ATP10A: variants seen among roughly 807,000 people sequenced by gnomAD.
The protein encoded by ATP10A is phospholipid-transporting ATPase VA.
ATP10A carries 111 observed loss-of-function variants against 147.8 expected under a neutral mutation model. The ratio of observed to expected loss-of-function variants is 0.75; its 90% CI spans 0.64 to 0.88. ATP10A has a LOEUF of 0.88. ATP10A is among the 40% of genes least tolerant of loss of function. ATP10A has a pLI of 0.00. For synonymous variants in ATP10A, 875 were observed against 841.6 expected (o/e 1.04, Z -0.69); for missense variants, 1,927 against 1,959.0 (o/e 0.98, Z 0.31).
intron 2 of ATP10A, among the ~76,000 whole-genome samples, chr15:25,748,818 G>T (rs72705815): frequency 2.0e-5 from 3 of 151,694 alleles, no homozygotes; most frequent in Non-Finnish European, 4.4e-5. Context: ...ACTTTGGGAC[G>T]CCAAGATAGG....
intron 1 of ATP10A, among the ~76,000 whole-genome samples, chr15:25,782,332 G>A (rs1045737840): frequency 5.3e-5 from 8 of 152,160 alleles, no homozygotes; most frequent in African/African-American, 1.9e-4. Context: ...TTGGAAATAC[G>A]TAGTAGTGAT....
At chr15:25,848,303 T>A (rs1200036265) in intron 1 of ATP10A, among the ~76,000 whole-genome samples, 1 of 152,084 alleles carries the variant, frequency 6.6e-6, no homozygotes, top group African/African-American at 2.4e-5. Flanking sequence ...ATTTTATTTA[T>A]TTCATTTTAT....
chr15:25,815,116 T>C (rs933303655), intron 1 of ATP10A, among the ~76,000 whole-genome samples: 8 of 152,126 alleles, frequency 5.3e-5, no homozygotes, highest in Non-Finnish European at 7.4e-5. Context: ...TACTACCAGG[T>C]CGACATCACA....
chr15:25,682,302 G>C (rs1172828026), intron 17 of ATP10A, among the ~76,000 whole-genome samples: 3 of 151,694 alleles, frequency 2.0e-5, no homozygotes, highest in Non-Finnish European at 4.4e-5. Flanking sequence ...AAAGCAAACA[G>C]CTATATACCC....
At chr15:25,844,251 G>C (rs1252208995) in intron 1 of ATP10A, among the ~76,000 whole-genome samples, 1 of 152,112 alleles carries the variant, frequency 6.6e-6, no homozygotes, top group Non-Finnish European at 1.5e-5. Context: ...CAGTAGAAGG[G>C]ACCCTGAGGG....
intron 19 of ATP10A, 22 bp downstream of exon 19, chr15:25,680,788 T>C: frequency 1.3e-6 from 2 of 1,594,624 alleles, no homozygotes. Flanking sequence ...TTCTGAGACG[T>C]GGCCATGCAG....
At chr15:25,819,760 C>T (rs1891803778) in intron 1 of ATP10A, among the ~76,000 whole-genome samples, 1 of 152,140 alleles carries the variant, frequency 6.6e-6, no homozygotes, top group Admixed American at 6.5e-5. Context: ...AGAATGAAAT[C>T]ATGTCTTTTG....
At chr15:25,721,996 T>G in intron 6 of ATP10A, 87 bp from the exon 7 acceptor site, 1 of 1,410,164 alleles carries the variant, frequency 7.1e-7, no homozygotes, top group Non-Finnish European at 9.7e-7. Flanking sequence ...AACAAATGAC[T>G]ACAACCGCAA....
intron 10 of ATP10A, chr15:25,710,094 C>T (rs1045697763): frequency 6.6e-6 from 1 of 152,278 alleles, no homozygotes; most frequent in Admixed American, 6.5e-5. Context: ...GAGCTGAAGG[C>T]ATGGCAATTT....
Position 25,721,909 on chromosome 15 carries a change from C to G in ATP10A, c.1111G>C (p.Val371Leu), listed in dbSNP as rs375647000. The change falls in exon 7 of 21, where the codon GTT (valine) becomes CTT (leucine). Residue 371 changes from valine (V) to leucine (L), a missense_variant and splice_region_variant. Val to Leu is a conservative substitution (Grantham distance 32). Coordinates refer to ENST00000555815, the MANE Select transcript of ATP10A (RefSeq NM_024490.4). ...SFLTMIIVLQ[V>L]LIPISLYVSI... ...ACGTATAAGGAAATTGGGATCAAAA[C>G]CTGGAAGAGACAAGGCACACAGGAT... The G allele has an allele frequency of 1.7e-5, 27 of 1,609,930 alleles. No homozygotes were observed. The African/African-American group carries it at 3.5e-4, about 21-fold the overall frequency.
chr15:25,749,400 C>A (rs933447314), intron 2 of ATP10A, among the ~76,000 whole-genome samples: 1 of 152,190 alleles, frequency 6.6e-6, no homozygotes, highest in South Asian at 2.1e-4. Context: ...CCTGCTTCCA[C>A]CAGCCACACT....
At chr15:25,706,034 C>T (rs912851916) in intron 12 of ATP10A, among the ~76,000 whole-genome samples, 5 of 152,134 alleles carry the variant, frequency 3.3e-5, no homozygotes, top group East Asian at 1.9e-4. Context: ...ACCGGGATCC[C>T]GACTCCAATC....
At chr15:25,690,992 CAT>C (rs1900004161) in intron 15 of ATP10A, among the ~76,000 whole-genome samples, 1 of 152,142 alleles carries the variant, frequency 6.6e-6, no homozygotes, top group African/African-American at 2.4e-5. Context: ...ACAGGCCTGA[CAT>C]GTAGCACATG....
chr15:25,773,150 T>C (rs899444924), intron 2 of ATP10A, among the ~76,000 whole-genome samples: 9 of 152,160 alleles, frequency 5.9e-5, no homozygotes, highest in African/African-American at 1.9e-4. Flanking sequence ...TATGTGACTA[T>C]ATGAAACTGC....
At chr15:25,736,325 AT>A (rs1887279160) in intron 2 of ATP10A, among the ~76,000 whole-genome samples, 184 bp from the exon 3 acceptor site, 1 of 152,206 alleles carries the variant, frequency 6.6e-6, no homozygotes, top group Non-Finnish European at 1.5e-5. Context: ...ACAGTTAATC[AT>A]TTTATAACGA....
intron 2 of ATP10A, among the ~76,000 whole-genome samples, chr15:25,739,716 G>A (rs1159522794): frequency 6.6e-6 from 1 of 152,188 alleles, no homozygotes; most frequent in Non-Finnish European, 1.5e-5. Context: ...TGAAGGGTTC[G>A]CCCACTGCAG....
intron 1 of ATP10A, among the ~76,000 whole-genome samples, chr15:25,784,662 C>T (rs569050186): frequency 1.3e-5 from 2 of 152,200 alleles, no homozygotes; most frequent in Non-Finnish European, 2.9e-5. Context: ...CAGTGGCTCA[C>T]GCCTGTAATC....
intron 2 of ATP10A, among the ~76,000 whole-genome samples, chr15:25,757,501 C>A (rs544798038): frequency 2.0e-5 from 3 of 151,600 alleles, no homozygotes; most frequent in Non-Finnish European, 4.4e-5. Flanking sequence ...TAAAAAAGAG[C>A]AATTCTATCT....
At chr15:25,864,102 C>G (rs1015234828), upstream of ATP10A, among the ~76,000 whole-genome samples, 1 of 151,904 alleles carries the variant, frequency 6.6e-6, no homozygotes, top group Non-Finnish European at 1.5e-5. Flanking sequence ...ATGGCCCGGA[C>G]GGCGGGGGAG....
Sources: allele counts gnomAD v4.1 joint callset (sites outside exome capture counted in the v4.1 genomes callset), GRCh38; gene constraint gnomAD v4.1.1; transcripts MANE v1.5; gene names NCBI Gene and HGNC (gene_info 2026-07-23, HGNC 2026-07-21).